Variants in SPART observed in about 807,000 individuals in gnomAD.
SPART encodes spastic paraplegia 20 (Troyer syndrome).
Under a neutral mutation model 58.7 loss-of-function variants are expected in SPART, and 35 were observed. That is an observed-to-expected ratio of 0.60 (90% CI 0.46 to 0.79). The LOEUF (loss-of-function observed/expected upper bound fraction) is 0.79, where lower values mean the gene tolerates loss of function less well. Among genes scored for constraint, SPART ranks in the 30% least tolerant of loss-of-function variants. SPART has a pLI of 0.00. For synonymous variants in SPART, 284 were observed against 280.7 expected (o/e 1.01, Z -0.12); for missense variants, 730 against 786.1 (o/e 0.93, Z 0.85).
chr13:36,319,984 G>C (rs9547253), intron 5 of SPART, among the ~76,000 whole-genome samples: 1 of 151,872 alleles, frequency 6.6e-6, no homozygotes, highest in East Asian at 1.9e-4. Context: ...TCCTAAGCAC[G>C]GTTAGCGCAG....
At chr13:36,346,948 T>A (rs565127572), upstream of SPART, among the ~76,000 whole-genome samples, 1 of 152,276 alleles carries the variant, frequency 6.6e-6, no homozygotes, top group South Asian at 2.1e-4. Flanking sequence ...CACAGTTAAT[T>A]TCCAAAAGCC....
At chr13:36,329,009 G>A (rs1395088154) in intron 4 of SPART, among the ~76,000 whole-genome samples, 2 of 152,146 alleles carry the variant, frequency 1.3e-5, no homozygotes, top group Non-Finnish European at 2.9e-5. Flanking sequence ...CGTGAGGCAG[G>A]AGGATCACAT....
chr13:36,324,126 T>C (rs1226430466), intron 5 of SPART, among the ~76,000 whole-genome samples: 1 of 152,224 alleles, frequency 6.6e-6, no homozygotes, highest in Admixed American at 6.5e-5. Context: ...TGAATGTTAA[T>C]CTTTCCACAA....
chr13:36,330,512 C>G (rs61950271), intron 3 of SPART, among the ~76,000 whole-genome samples: 19,987 of 152,098 alleles, frequency 0.13, 1,708 homozygotes, highest in Non-Finnish European at 0.19. Context: ...TCACTTAACA[C>G]AGTAACTGGT....
chr13:36,339,915 A>G (rs12430831), intron 1 of SPART, among the ~76,000 whole-genome samples: 37,826 of 151,754 alleles, frequency 0.25, 5,223 homozygotes, highest in East Asian at 0.51. Context: ...GAAAACATCA[A>G]AAAATTAGCC....
At chr13:36,340,492 G>A (rs988283647) in intron 1 of SPART, among the ~76,000 whole-genome samples, 1 of 152,026 alleles carries the variant, frequency 6.6e-6, no homozygotes, top group African/African-American at 2.4e-5. Context: ...AGAGAGAGAA[G>A]TAAGAGTGCT....
chr13:36,331,575 G>A lies in SPART; in HGVS notation c.832C>T (p.Leu278=). ...AGAACCGGAGATCTATCAGGAACTA[G>A]AGGATATAACCAGTCACAAACCTGA... ...FLQVCDWLYP[L]VPDRSPVLKC... Residue 278 remains leucine, a synonymous_variant, in exon 3 of 9, where the codon CTA becomes TTA. Transcript: ENST00000438666. 12 of 1,613,806 alleles carry A rather than the reference G, an allele frequency of 7.4e-6. No homozygotes were observed. Among genetic ancestry groups the A allele is most frequent in the Non-Finnish European group, 1.0e-5 (12 of 1,179,884 alleles).
Position 36,335,041 on chromosome 13 carries a change from G to A in SPART, c.790C>T (p.Arg264Cys), listed in dbSNP as rs747665041. Residue 264 changes from arginine to cysteine, a missense_variant, in exon 2 of 9, where the codon CGT becomes TGT. By Grantham distance (180) the Arg-to-Cys change is radical. Transcript: ENST00000438666. The stretch of plus-strand genomic sequence containing the variant: ...CTTACCTGAAGAAACCCGGGAGGAC[G>A]GTTTAGAACCGTATCGAGAGAATTA... Reference protein sequence around the residue: ...LDNSLDTVLNRPPGFLQVCDW... With the variant: ...LDNSLDTVLNCPPGFLQVCDW... 4.3e-6 allele frequency: 7 copies of A among 1,613,918 alleles called. No homozygotes were observed. Among genetic ancestry groups the A allele is most frequent in the Admixed American group, 3.3e-5 (2 of 60,004 alleles).
intron 1 of SPART, among the ~76,000 whole-genome samples, chr13:36,364,180 C>T (rs1885973251): frequency 2.0e-5 from 3 of 152,266 alleles, no homozygotes; most frequent in African/African-American, 7.2e-5. Context: ...GTGACTGTAA[C>T]TATCTTTTCT....
chr13:36,357,206 G>T (rs752264583), intron 1 of SPART, among the ~76,000 whole-genome samples: 1 of 152,074 alleles, frequency 6.6e-6, no homozygotes, highest in Non-Finnish European at 1.5e-5. Context: ...TTTTTCAAGG[G>T]TGGATGGTTG....
chr13:36,330,067 C>T (rs1430270885), intron 3 of SPART, among the ~76,000 whole-genome samples: 6 of 152,008 alleles, frequency 3.9e-5, no homozygotes, highest in Non-Finnish European at 8.8e-5. Flanking sequence ...CATACAAATA[C>T]CAAAAAATTA....
chr13:36,367,499 C>A (rs781586219), intron 1 of SPART, among the ~76,000 whole-genome samples: 12 of 152,250 alleles, frequency 7.9e-5, no homozygotes, highest in Non-Finnish European at 1.8e-4. Flanking sequence ...GTGGGGACCT[C>A]CTCTTTTGGC....
intron 7 of SPART, 32 bp from the exon 8 acceptor site, chr13:36,312,267 C>T: frequency 6.2e-7 from 1 of 1,613,832 alleles, no homozygotes. Flanking sequence ...CGATGTAAAT[C>T]TAGTCCAAAG....
At chr13:36,350,392 A>C (rs1040680726), upstream of SPART, among the ~76,000 whole-genome samples, 1 of 152,220 alleles carries the variant, frequency 6.6e-6, no homozygotes, top group Non-Finnish European at 1.5e-5. Context: ...CATTCCATGT[A>C]TTAATATATC....
intron 8 of SPART, among the ~76,000 whole-genome samples, chr13:36,308,972 T>C (rs1237884663): frequency 2.6e-5 from 4 of 152,096 alleles, no homozygotes; most frequent in Non-Finnish European, 5.9e-5. Context: ...TGGCCAGGTG[T>C]GGTGGCTCAC....
intron 5 of SPART, among the ~76,000 whole-genome samples, chr13:36,321,568 C>T (rs1325926271): frequency 6.6e-6 from 1 of 152,074 alleles, no homozygotes; most frequent in African/African-American, 2.4e-5. Context: ...CAAGACCTCC[C>T]TTCAGCTTAA....
At chr13:36,357,444 GC>G (rs1278315403) in intron 1 of SPART, among the ~76,000 whole-genome samples, 1 of 152,176 alleles carries the variant, frequency 6.6e-6, no homozygotes, top group East Asian at 1.9e-4. Context: ...AGCCCCTGAG[GC>G]CCCTGGTAAG....
intron 1 of SPART, among the ~76,000 whole-genome samples, chr13:36,362,878 T>C (rs913466217): frequency 6.6e-6 from 1 of 152,180 alleles, no homozygotes; most frequent in Non-Finnish European, 1.5e-5. Context: ...TATGTAAGAT[T>C]ATTTTCCAAA....
At chr13:36,309,342 C>A (rs190955306) in intron 8 of SPART, among the ~76,000 whole-genome samples, 241 of 151,850 alleles carry the variant, frequency 1.6e-3, no homozygotes, top group African/African-American at 5.6e-3. Flanking sequence ...AGTTCAGCCA[C>A]TTTTGGGAGA....
Sources: allele counts gnomAD v4.1 joint callset (sites outside exome capture counted in the v4.1 genomes callset), GRCh38; gene constraint gnomAD v4.1.1; transcripts MANE v1.5; gene names NCBI Gene and HGNC (gene_info 2026-07-23, HGNC 2026-07-21).